Variants in PTPRD observed in about 807,000 individuals in gnomAD.
PTPRD encodes protein tyrosine phosphatase receptor type D, also known as receptor-type tyrosine-protein phosphatase delta.
In PTPRD, 34 loss-of-function variants were observed where a neutral mutation model predicts 214.5. That is an observed-to-expected ratio of 0.16 (90% CI 0.12 to 0.21). The LOEUF (loss-of-function observed/expected upper bound fraction) is 0.21. PTPRD is among the 10% of genes least tolerant of loss of function. PTPRD has a pLI of 1.00. For missense variants in PTPRD, 2,545 were observed against 2,398.7 expected, an observed-to-expected ratio of 1.06 and a Z score of -1.27; for synonymous variants, 1,128 against 845.7, an observed-to-expected ratio of 1.33 and a Z score of -5.79.
intron 11 of PTPRD, among the ~76,000 whole-genome samples, chr9:8,942,129 C>G (rs1422591951): frequency 1.3e-5 from 2 of 152,148 alleles, no homozygotes; most frequent in Admixed American, 1.3e-4. Context: ...TTAATGCAAC[C>G]TGCTAGCATG....
At chr9:9,621,283 A>C (rs905931926) in intron 7 of PTPRD, among the ~76,000 whole-genome samples, 9 of 152,158 alleles carry the variant, frequency 5.9e-5, no homozygotes, top group African/African-American at 2.2e-4. Context: ...TTAGAGTTTT[A>C]TTTCATGTTC....
chr9:9,720,049 A>G (rs1370962433), intron 7 of PTPRD, among the ~76,000 whole-genome samples: 4 of 152,148 alleles, frequency 2.6e-5, no homozygotes, highest in African/African-American at 7.2e-5. Context: ...GCACGAGCCA[A>G]TCAAAGACTG....
intron 3 of PTPRD, among the ~76,000 whole-genome samples, chr9:10,279,469 C>T (rs2094957885): frequency 6.6e-6 from 1 of 151,936 alleles, no homozygotes; most frequent in African/African-American, 2.4e-5. Context: ...TCTTCTTTAC[C>T]TACTGTAATC....
intron 8 of PTPRD, among the ~76,000 whole-genome samples, chr9:9,495,373 C>G (rs1230958064): frequency 6.6e-6 from 1 of 151,732 alleles, no homozygotes; most frequent in Non-Finnish European, 1.5e-5. Context: ...AAACCTGCAG[C>G]CCAAAGTGAG....
intron 14 of PTPRD, among the ~76,000 whole-genome samples, chr9:8,581,060 G>C (rs1446627680): frequency 1.3e-5 from 2 of 152,096 alleles, no homozygotes; most frequent in South Asian, 4.1e-4. Context: ...ATGTTGTTTA[G>C]TTCAATTAAT....
At chr9:10,608,276 G>C (rs2080022150) in intron 2 of PTPRD, among the ~76,000 whole-genome samples, 1 of 151,894 alleles carries the variant, frequency 6.6e-6, no homozygotes, top group African/African-American at 2.4e-5. Flanking sequence ...TTCTGATATT[G>C]GGTACAGTAA....
intron 4 of PTPRD, among the ~76,000 whole-genome samples, chr9:9,943,715 G>T (rs2092055568): frequency 6.6e-6 from 1 of 152,104 alleles, no homozygotes; most frequent in Non-Finnish European, 1.5e-5. Flanking sequence ...GAAGCTAATT[G>T]TGCAGTTCTC....
chr9:9,195,823 GA>G (rs1433771092), intron 9 of PTPRD, among the ~76,000 whole-genome samples: 2 of 151,818 alleles, frequency 1.3e-5, no homozygotes, highest in African/African-American at 4.8e-5. Context: ...TCAAGAATAA[GA>G]AAAGACAATT....
chr9:10,248,533 A>ACC (rs371626503), intron 3 of PTPRD, among the ~76,000 whole-genome samples: 1 of 127,444 alleles, frequency 7.8e-6, no homozygotes, highest in Non-Finnish European at 1.6e-5. Flanking sequence ...AAAATAAAAA[A>ACC]AATAAAGCGA....
intron 11 of PTPRD, among the ~76,000 whole-genome samples, chr9:8,922,028 C>T (rs886726035): frequency 1.7e-4 from 26 of 151,028 alleles, no homozygotes; most frequent in Admixed American, 1.3e-4. Flanking sequence ...GAAGTTATTA[C>T]GCTAGTGAGA....
At chr9:10,307,209 T>G (rs1419909503) in intron 3 of PTPRD, among the ~76,000 whole-genome samples, 1 of 145,886 alleles carries the variant, frequency 6.9e-6, no homozygotes, top group Non-Finnish European at 1.5e-5. Context: ...AAATAACCTG[T>G]TTTCATCCAC....
chr9:8,444,338 A>G (rs1358594184), intron 34 of PTPRD, among the ~76,000 whole-genome samples: 1 of 152,184 alleles, frequency 6.6e-6, no homozygotes, highest in South Asian at 2.1e-4. Context: ...GTTAAATGTC[A>G]CAACAGCAAA....
chr9:9,138,993 A>G (rs1205517048), intron 10 of PTPRD, among the ~76,000 whole-genome samples: 2 of 152,160 alleles, frequency 1.3e-5, no homozygotes, highest in African/African-American at 2.4e-5. Context: ...ATATTTACTT[A>G]TTTATGTGCT....
chr9:9,303,233 A>C (rs1000859384), intron 9 of PTPRD, among the ~76,000 whole-genome samples: 2 of 151,986 alleles, frequency 1.3e-5, no homozygotes, highest in African/African-American at 4.8e-5. Flanking sequence ...TACATCAATA[A>C]ATACTACTAA....
chr9:9,293,026 G>A (rs1305630495), intron 9 of PTPRD, among the ~76,000 whole-genome samples: 2 of 151,400 alleles, frequency 1.3e-5, no homozygotes, highest in Non-Finnish European at 3.0e-5. Flanking sequence ...AATATTCCCC[G>A]CCTTTCCTTA....
chr9:8,929,875 G>A lies in PTPRD; in HGVS notation c.-104+88822C>T, dbSNP rs62529106. Among the ~76,000 whole-genome samples, 40 of 68,872 alleles carry A rather than the reference G, an allele frequency of 5.8e-4. 1 individual carries two copies. The highest frequency in any genetic ancestry group is 1.2e-3 in the South Asian group (3 of 2,446). 45.2% of individuals were successfully genotyped at this position (68,872 alleles called of 152,430 possible). On this transcript the variant is annotated intron_variant, in intron 11 of 45. Coordinates refer to ENST00000381196, the MANE Select transcript of PTPRD (RefSeq NM_002839.4). The stretch of plus-strand genomic sequence containing the variant: ...TATATATGTGTATATACATGTGTGT[G>A]TATATATGTGTGTGTATATATATGT...
intron 11 of PTPRD, among the ~76,000 whole-genome samples, chr9:8,990,379 C>A (rs1029818174): frequency 2.6e-5 from 4 of 152,066 alleles, no homozygotes; most frequent in African/African-American, 9.7e-5. Context: ...CTGCTTGTAC[C>A]GAACATGTAA....
At chr9:8,553,147 C>T (rs1333889325) in intron 14 of PTPRD, among the ~76,000 whole-genome samples, 2 of 152,138 alleles carry the variant, frequency 1.3e-5, no homozygotes, top group African/African-American at 2.4e-5. Flanking sequence ...CACTAGTGAC[C>T]TGCTTTACAA....
chr9:8,556,595 T>C (rs2083851026), intron 14 of PTPRD, among the ~76,000 whole-genome samples: 1 of 151,128 alleles, frequency 6.6e-6, no homozygotes, highest in Non-Finnish European at 1.5e-5. Flanking sequence ...AATATGCATT[T>C]AATTAATATA....
Sources: allele counts gnomAD v4.1 joint callset (sites outside exome capture counted in the v4.1 genomes callset), GRCh38; gene constraint gnomAD v4.1.1; transcripts MANE v1.5; gene names NCBI Gene and HGNC (gene_info 2026-07-23, HGNC 2026-07-21).